The following OR2C1 variants were observed in gnomAD, a reference collection of about 807,000 sequenced individuals.
OR2C1 encodes the protein olfactory receptor 2C1.
For synonymous variants in OR2C1, 209 were observed against 167.3 expected, an observed-to-expected ratio of 1.25 and a Z score of -1.92; for missense variants, 468 against 388.3, an observed-to-expected ratio of 1.21 and a Z score of -1.73.
At chr16:3,347,685 T>C in the OR2C1 span, among the ~76,000 whole-genome samples, 3 of 152,278 alleles carry the variant, frequency 2.0e-5, no homozygotes, top group South Asian at 6.2e-4. Context: ...TTTTATCACT[T>C]AGCAATATGC....
chr16:3,336,954 C>T, the OR2C1 span, among the ~76,000 whole-genome samples: 176 of 148,726 alleles, frequency 1.2e-3, no homozygotes, highest in African/African-American at 3.9e-3. Flanking sequence ...GTGATCCGCC[C>T]ATCTTGGCCT....
At chr16:3,353,816 A>T (rs1381475858), upstream of OR2C1, among the ~76,000 whole-genome samples, 1 of 151,406 alleles carries the variant, frequency 6.6e-6, no homozygotes, top group African/African-American at 2.4e-5. Context: ...AAGAGAAAGA[A>T]GGAAGGAAGG....
chr16:3,333,486 C>T, the OR2C1 span, among the ~76,000 whole-genome samples: 1 of 151,978 alleles, frequency 6.6e-6, no homozygotes, highest in Non-Finnish European at 1.5e-5. Flanking sequence ...CAGGCACCCA[C>T]TACCGCGCCC....
chr16:3,350,339 G>T, the OR2C1 span, among the ~76,000 whole-genome samples: 95 of 151,890 alleles, frequency 6.3e-4, no homozygotes, highest in African/African-American at 2.0e-3. Context: ...ACAGGCGTGA[G>T]CCACCGCGCC....
chr16:3,355,380 C>T (rs1311019796), upstream of OR2C1, among the ~76,000 whole-genome samples: 1 of 136,928 alleles, frequency 7.3e-6, no homozygotes, highest in Non-Finnish European at 1.5e-5. Context: ...ATTGCTTGCA[C>T]CTGGGAGGCG....
At chr16:3,351,034 C>CAAA (rs1172796202), upstream of OR2C1, among the ~76,000 whole-genome samples, 4 of 49,534 alleles carry the variant, frequency 8.1e-5, no homozygotes, top group Admixed American at 2.3e-4. Flanking sequence ...GACCCTGACT[C>CAAA]AAAAAAAAAA....
the OR2C1 span, among the ~76,000 whole-genome samples, chr16:3,348,024 C>T: frequency 1.2e-3 from 187 of 152,218 alleles, no homozygotes; most frequent in African/African-American, 3.4e-3. Context: ...TCCCTAACAA[C>T]GTAGATGTCT....
the OR2C1 span, among the ~76,000 whole-genome samples, chr16:3,333,825 T>C: frequency 6.6e-6 from 1 of 152,214 alleles, no homozygotes; most frequent in Non-Finnish European, 1.5e-5. Flanking sequence ...TTTCATAGTT[T>C]CAGGTCTTAG....
chr16:3,355,895 C>A lies in OR2C1; in HGVS notation c.-46C>A. 2 of 1,404,876 alleles carry A rather than the reference C, an allele frequency of 1.4e-6. No homozygotes were observed. Among genetic ancestry groups the A allele is most frequent in the South Asian group, 1.3e-5 (1 of 75,008 alleles). 87.0% of individuals were successfully genotyped at this position (1,404,876 alleles called of 1,614,324 possible). On this transcript the variant is annotated 5_prime_UTR_variant, in exon 1 of 1. Transcript: ENST00000304936. ...AGCTTTTTCTTGACTTTTCTTCCAG[C>A]AGCTTGCGCTAAATGAATTCATCAA...
chr16:3,348,082 G>A, the OR2C1 span, among the ~76,000 whole-genome samples: 1 of 152,108 alleles, frequency 6.6e-6, no homozygotes, highest in Non-Finnish European at 1.5e-5. Flanking sequence ...ACGGAATGAG[G>A]GCTACTAGTG....
At chr16:3,350,274 C>T in the OR2C1 span, among the ~76,000 whole-genome samples, 3 of 151,176 alleles carry the variant, frequency 2.0e-5, no homozygotes, top group East Asian at 3.9e-4. Flanking sequence ...AGTCTGGTCT[C>T]GAACTCCTGA....
chr16:3,353,489 C>CAAA (rs58703245), upstream of OR2C1, among the ~76,000 whole-genome samples: 5 of 82,956 alleles, frequency 6.0e-5, no homozygotes, highest in Admixed American at 1.6e-4. Context: ...GACTCCGTCT[C>CAAA]AAAAAAAAAA....
the OR2C1 span, among the ~76,000 whole-genome samples, chr16:3,333,615 G>T: frequency 6.6e-6 from 1 of 152,264 alleles, no homozygotes; most frequent in Non-Finnish European, 1.5e-5. Flanking sequence ...GATTACAGGC[G>T]TGGGCCACTG....
upstream of OR2C1, among the ~76,000 whole-genome samples, chr16:3,354,243 C>T (rs2030623822): frequency 6.6e-6 from 1 of 152,132 alleles, no homozygotes; most frequent in Non-Finnish European, 1.5e-5. Flanking sequence ...CTTTGACCTC[C>T]CAAAGTGTTG....
the OR2C1 span, among the ~76,000 whole-genome samples, chr16:3,336,341 G>C: frequency 6.6e-6 from 1 of 151,886 alleles, no homozygotes; most frequent in Non-Finnish European, 1.5e-5. Flanking sequence ...AGGAATATTG[G>C]CCTGTAGTTT....
At chr16:3,332,241 A>T in the OR2C1 span, among the ~76,000 whole-genome samples, 1 of 152,122 alleles carries the variant, frequency 6.6e-6, no homozygotes, top group East Asian at 1.9e-4. Flanking sequence ...ATCAATTAAA[A>T]AAATAAATAA....
the OR2C1 span, among the ~76,000 whole-genome samples, chr16:3,324,782 C>T: frequency 6.6e-6 from 1 of 152,078 alleles, no homozygotes. Flanking sequence ...TATATATGTA[C>T]ATACATACAT....
chr16:3,339,007 T>C, the OR2C1 span, among the ~76,000 whole-genome samples: 1 of 152,206 alleles, frequency 6.6e-6, no homozygotes, highest in Non-Finnish European at 1.5e-5. Context: ...GGTAATTAAC[T>C]CCCTGTTTTC....
At chr16:3,355,646 G>A (rs894389140), upstream of OR2C1, among the ~76,000 whole-genome samples, 9 of 151,964 alleles carry the variant, frequency 5.9e-5, no homozygotes, top group African/African-American at 1.9e-4. Context: ...TTTGGATGTG[G>A]TGGCACACAC....
Sources: allele counts gnomAD v4.1 joint callset (sites outside exome capture counted in the v4.1 genomes callset), GRCh38; gene constraint gnomAD v4.1.1; transcripts MANE v1.5; gene names NCBI Gene and HGNC (gene_info 2026-07-23, HGNC 2026-07-21).